The following PCDHA13 variants were observed in gnomAD, a reference collection of about 807,000 sequenced individuals.
PCDHA13 encodes protocadherin alpha 13.
PCDHA13 carries 54 observed loss-of-function variants against 64.8 expected under a neutral mutation model. The observed-to-expected ratio is 0.83, with a 90% CI of 0.67 to 1.04. The LOEUF (loss-of-function observed/expected upper bound fraction) is 1.04. PCDHA13 is among the 50% of genes least tolerant of loss of function. PCDHA13 has a pLI of 0.00. For synonymous variants in PCDHA13, 587 were observed against 564.4 expected (o/e 1.04, Z -0.57); for missense variants, 1,248 against 1,254.3 (o/e 0.99, Z 0.08).
At chr5:140,973,489 G>T (rs1554235344) in intron 1 of PCDHA13, among the ~76,000 whole-genome samples, 2 of 152,096 alleles carry the variant, frequency 1.3e-5, no homozygotes, top group African/African-American at 4.8e-5. Flanking sequence ...TTGGTCACAG[G>T]ACTCTTCTTC....
chr5:140,886,815 A>G (rs1251237856), intron 1 of PCDHA13, among the ~76,000 whole-genome samples: 1 of 149,622 alleles, frequency 6.7e-6, no homozygotes, highest in African/African-American at 2.5e-5. Context: ...TGACAGAGCA[A>G]GACTTCGTCT....
intron 3 of PCDHA13, among the ~76,000 whole-genome samples, chr5:141,003,410 C>T (rs1282162216): frequency 1.3e-5 from 2 of 152,110 alleles, no homozygotes; most frequent in Non-Finnish European, 2.9e-5. Flanking sequence ...CTCCCGGGTT[C>T]GAGTGATTCT....
chr5:140,914,528 A>G (rs1333576504), intron 1 of PCDHA13, among the ~76,000 whole-genome samples: 2 of 152,114 alleles, frequency 1.3e-5, no homozygotes, highest in African/African-American at 4.8e-5. Flanking sequence ...TCATCCATTC[A>G]GCCACTTTAT....
At chr5:140,906,045 T>C (rs1002159774) in intron 1 of PCDHA13, among the ~76,000 whole-genome samples, 3 of 152,194 alleles carry the variant, frequency 2.0e-5, no homozygotes, top group African/African-American at 7.2e-5. Flanking sequence ...GCTTTTATTC[T>C]GGCTGCACTG....
chr5:140,928,943 T>C, intron 1 of PCDHA13: 1 of 1,614,090 alleles, frequency 6.2e-7, no homozygotes, highest in Non-Finnish European at 8.5e-7. Flanking sequence ...AACTTGTATT[T>C]AGTAATTGCC....
At chr5:140,952,380 G>A (rs246035) in intron 1 of PCDHA13, among the ~76,000 whole-genome samples, 85,175 of 151,100 alleles carry the variant, frequency 0.56, 24,638 homozygotes, top group African/African-American at 0.69. Flanking sequence ...CCTCTGCCAG[G>A]TACCCTAAAC....
chr5:140,967,072 C>A, intron 1 of PCDHA13: 7 of 1,613,106 alleles, frequency 4.3e-6, no homozygotes, highest in Non-Finnish European at 5.9e-6. Context: ...TCTTCGTCAA[C>A]GAGCGCATTG....
intron 2 of PCDHA13, among the ~76,000 whole-genome samples, chr5:140,981,118 G>A (rs1205022984): frequency 6.6e-6 from 1 of 152,196 alleles, no homozygotes; most frequent in Admixed American, 6.5e-5. Flanking sequence ...TACTGGATAT[G>A]TTGTTTGAAG....
intron 1 of PCDHA13, among the ~76,000 whole-genome samples, chr5:140,908,762 C>T (rs962553584): frequency 7.9e-5 from 12 of 152,104 alleles, no homozygotes; most frequent in Admixed American, 2.6e-4. Flanking sequence ...ACAGCCTGGA[C>T]GTGTTGTAGA....
At chr5:140,974,105 A>G (rs1173287678) in intron 1 of PCDHA13, among the ~76,000 whole-genome samples, 1 of 152,246 alleles carries the variant, frequency 6.6e-6, no homozygotes, top group African/African-American at 2.4e-5. Context: ...GGTTAAAAGT[A>G]TTCTTTTGCA....
intron 3 of PCDHA13, among the ~76,000 whole-genome samples, chr5:140,988,622 A>G (rs192744779): frequency 6.6e-6 from 1 of 152,242 alleles, no homozygotes; most frequent in East Asian, 1.9e-4. Flanking sequence ...TAGAATGGAG[A>G]TGTCCTGGTT....
At chr5:141,003,832 G>C (rs1261830894) in intron 3 of PCDHA13, among the ~76,000 whole-genome samples, 1 of 152,102 alleles carries the variant, frequency 6.6e-6, no homozygotes, top group Non-Finnish European at 1.5e-5. Flanking sequence ...TCTGCCTAAC[G>C]ATTCAGACCC....
intron 1 of PCDHA13, among the ~76,000 whole-genome samples, chr5:140,902,447 G>A (rs1004773008): frequency 2.6e-5 from 4 of 152,024 alleles, no homozygotes; most frequent in Non-Finnish European, 4.4e-5. Flanking sequence ...TCATATTCTA[G>A]ATCCTAGAGA....
intron 1 of PCDHA13, among the ~76,000 whole-genome samples, chr5:140,901,632 G>A (rs768343428): frequency 6.6e-5 from 10 of 152,172 alleles, no homozygotes; most frequent in Non-Finnish European, 1.3e-4. Flanking sequence ...GTCAGGTAAT[G>A]TGATTCTTCC....
intron 1 of PCDHA13, among the ~76,000 whole-genome samples, chr5:140,977,977 C>T (rs193229659): frequency 2.0e-5 from 3 of 152,222 alleles, no homozygotes; most frequent in South Asian, 2.1e-4. Context: ...CCCATGAAAA[C>T]GCATCTAGAG....
intron 1 of PCDHA13, among the ~76,000 whole-genome samples, chr5:140,975,074 G>C (rs2096653166): frequency 1.3e-5 from 2 of 152,152 alleles, no homozygotes; most frequent in South Asian, 4.1e-4. Flanking sequence ...CATTCAGATT[G>C]TTGGCAGAAT....
At chr5:140,890,747 G>C (rs2062780711) in intron 1 of PCDHA13, among the ~76,000 whole-genome samples, 1 of 152,024 alleles carries the variant, frequency 6.6e-6, no homozygotes, top group African/African-American at 2.4e-5. Context: ...TACTATTTCT[G>C]TCATGCTTTA....
intron 1 of PCDHA13, among the ~76,000 whole-genome samples, chr5:140,963,902 A>G (rs1227304928): frequency 6.6e-6 from 1 of 152,218 alleles, no homozygotes; most frequent in Non-Finnish European, 1.5e-5. Flanking sequence ...AAATGAGTAA[A>G]GTGAAGCTTA....
intron 1 of PCDHA13, among the ~76,000 whole-genome samples, chr5:140,910,994 CT>C (rs1312142604): frequency 2.0e-5 from 3 of 152,222 alleles, no homozygotes; most frequent in African/African-American, 7.2e-5. Flanking sequence ...AACCTCACCC[CT>C]AGGGCCCTCC....
Sources: gnomAD v4.1 joint callset for allele counts (sites outside exome capture counted in the v4.1 genomes callset) on GRCh38, gnomAD v4.1.1 for gene constraint, MANE v1.5 for transcripts, NCBI Gene and HGNC (gene_info 2026-07-23, HGNC 2026-07-21) for gene names.